The following ZC2HC1B variants were observed in gnomAD, a reference collection of about 807,000 sequenced individuals.
ZC2HC1B encodes zinc finger C2HC-type containing 1B.
A neutral mutation model predicts 31.0 loss-of-function variants in ZC2HC1B; 36 were observed. That is an observed-to-expected ratio of 1.16 (90% CI 0.89 to 1.54). ZC2HC1B has a LOEUF of 1.54. Among genes scored for constraint, ZC2HC1B ranks in the 40% most tolerant of loss-of-function variants. The probability of loss-of-function intolerance (pLI) is 0.00; values close to 1 mark genes in which losing one functional copy is unlikely to be tolerated. For synonymous variants in ZC2HC1B, 73 were observed against 88.0 expected (o/e 0.83, Z 0.95); for missense variants, 260 against 268.6 (o/e 0.97, Z 0.22).
Position 143,899,157 on chromosome 6 carries a change from A to G in ZC2HC1B, c.489+466A>G, listed in dbSNP as rs1777705824. Among the ~76,000 whole-genome samples, 1 of 152,214 alleles carries G rather than the reference A, an allele frequency of 6.6e-6. No homozygotes were observed. The highest frequency in any genetic ancestry group is 1.5e-5 in the Non-Finnish European group (1 of 68,042). On this transcript the variant is annotated intron_variant, in intron 5 of 7. Transcript: ENST00000237275. The surrounding 1 kb of genome is among the most constrained non-coding windows in gnomAD (Gnocchi z 5.0). Reference sequence around the variant, plus strand: ...ATCAGCAAGTTAAAGGGATATGTGGATGAATGGAAGCAGCTGTTAACATTA... The same window carrying G: ...ATCAGCAAGTTAAAGGGATATGTGGGTGAATGGAAGCAGCTGTTAACATTA...
intron 1 of ZC2HC1B, among the ~76,000 whole-genome samples, chr6:143,873,082 C>A (rs1582950197): frequency 1.3e-5 from 2 of 152,144 alleles, no homozygotes; most frequent in Admixed American, 1.3e-4. Context: ...CAAAAGCAAG[C>A]TAGTTACTTC....
chr6:143,898,633 C>A lies in ZC2HC1B; in HGVS notation c.431C>A (p.Ser144Tyr). The change falls in exon 5 of 8, where the codon TCT becomes TAT. Residue 144 changes from serine to tyrosine, a missense_variant. Coordinates refer to ENST00000237275, the MANE Select transcript of ZC2HC1B (RefSeq NM_001013623.3). ...ERHTNFCKDQ[S>Y]SRRVFNPAQT... ...CATACTAATTTCTGCAAGGATCAGTCTTCTCGCCGAGTCTTTAATCCAGCT... is the reference window on the plus strand; with the variant it reads ...CATACTAATTTCTGCAAGGATCAGTATTCTCGCCGAGTCTTTAATCCAGCT... 6.4e-7 allele frequency: 1 copy of A among 1,551,966 alleles called. No homozygotes were observed. The highest frequency in any genetic ancestry group is 8.7e-7 in the Non-Finnish European group (1 of 1,147,040).
rs1777243208 is a variant in ZC2HC1B, at chr6:143,865,267, T to C, written c.28+700T>C. Among the ~76,000 whole-genome samples the C allele has an allele frequency of 6.6e-6, 1 of 152,196 alleles. No homozygotes were observed. The highest frequency in any genetic ancestry group is 1.5e-5 in the Non-Finnish European group (1 of 68,028). On this transcript the variant is annotated intron_variant, in intron 1 of 7. Transcript: ENST00000237275. The surrounding 1 kb of genome is among the most constrained non-coding windows in gnomAD (Gnocchi z 4.4). ...TTGGGAGCCCAAGAGATCAGAGGGT[T>C]TTTGCCTTCAGGAGCCACATGGTCT...
chr6:143,903,045 G>T lies in ZC2HC1B; in HGVS notation c.491G>T (p.Gly164Val). The change falls in exon 6 of 8, where the codon GGT (glycine) becomes GTT (valine). Residue 164 changes from glycine to valine, a missense_variant and splice_region_variant. Physicochemically the swap from Gly to Val is moderately radical, Grantham distance 109. Coordinates refer to ENST00000237275, the MANE Select transcript of ZC2HC1B (RefSeq NM_001013623.3). This position sits in a 1 kb window ranked among gnomAD's most constrained non-coding sequence, Gnocchi z 4.3. ...TAAKLASRAQ[G>V]RAQMGPKKEP... is the part of the protein sequence containing the mutation. Reference sequence around the variant, plus strand: ...GTCTCTTTCTTTCTCTCTCTGTAGGGTAGGGCTCAGATGGGTCCAAAAAAA... The same window carrying T: ...GTCTCTTTCTTTCTCTCTCTGTAGGTTAGGGCTCAGATGGGTCCAAAAAAA... 6.4e-7 allele frequency: 1 copy of T among 1,551,692 alleles called. No individual in the cohort carries two copies. Among genetic ancestry groups the T allele is most frequent in the Non-Finnish European group, 8.7e-7 (1 of 1,146,948 alleles).
chr6:143,910,503 C>G (rs975035215), intron 6 of ZC2HC1B, among the ~76,000 whole-genome samples: 1 of 152,154 alleles, frequency 6.6e-6, no homozygotes, highest in Non-Finnish European at 1.5e-5. Flanking sequence ...GAGCTGAGTT[C>G]AAGTCCCGAA....
chr6:143,867,003 A>G (rs1249719277), intron 1 of ZC2HC1B, among the ~76,000 whole-genome samples: 1 of 152,270 alleles, frequency 6.6e-6, no homozygotes, highest in African/African-American at 2.4e-5. Flanking sequence ...TGAGACAACA[A>G]ATAGAAAATA....
rs565674128 is a variant in ZC2HC1B, at chr6:143,911,044, C to T, written c.598+7892C>T. On this transcript the variant is annotated intron_variant, in intron 6 of 7. Coordinates refer to ENST00000237275, the MANE Select transcript of ZC2HC1B (RefSeq NM_001013623.3). This position sits in a 1 kb window ranked among gnomAD's most constrained non-coding sequence, Gnocchi z 4.5. Reference sequence around the variant, plus strand: ...CTAGGATTACAGGCATGAGCCACTGCGCCCAGCCCTTTGTTGGTTTAAAGC... The same window carrying T: ...CTAGGATTACAGGCATGAGCCACTGTGCCCAGCCCTTTGTTGGTTTAAAGC... Among the ~76,000 whole-genome samples, 11 of 152,162 alleles carry T rather than the reference C, an allele frequency of 7.2e-5. No individual in the cohort carries two copies. The highest frequency in any genetic ancestry group is 1.4e-4 in the African/African-American group (6 of 41,444).
intron 1 of ZC2HC1B, among the ~76,000 whole-genome samples, chr6:143,867,394 G>A (rs896631863): frequency 8.5e-5 from 13 of 152,184 alleles, no homozygotes; most frequent in African/African-American, 3.1e-4. Context: ...CAGTCCCTGG[G>A]TCTGACTTCC....
At chr6:143,879,674 C>T (rs576707405) in intron 1 of ZC2HC1B, among the ~76,000 whole-genome samples, 3 of 152,206 alleles carry the variant, frequency 2.0e-5, no homozygotes, top group African/African-American at 7.2e-5. Context: ...CTCTACAAAG[C>T]ATTCTTAACT....
At position 143,933,486 on chromosome 6, in the gene ZC2HC1B, T is replaced by A. The variant is rs1005393302; in HGVS notation, c.599-4163T>A. Among the ~76,000 whole-genome samples the A allele has an allele frequency of 3.3e-5, 5 of 152,108 alleles. No homozygotes were observed. Among genetic ancestry groups the A allele is most frequent in the African/African-American group, 1.2e-4 (5 of 41,418 alleles). Reference sequence around the variant, plus strand: ...CAGGCAGGATTAGGTAGGTTTGAGCTCAGACTCTCCTTGGGTGGGGGTTGC... The same window carrying A: ...CAGGCAGGATTAGGTAGGTTTGAGCACAGACTCTCCTTGGGTGGGGGTTGC... On this transcript the variant is annotated intron_variant, in intron 6 of 7. Coordinates refer to ENST00000237275, the MANE Select transcript of ZC2HC1B (RefSeq NM_001013623.3). This position sits in a 1 kb window ranked among gnomAD's most constrained non-coding sequence, Gnocchi z 6.4.
In ZC2HC1B at chr6:143,871,135, T is replaced by G. The variant is rs1235872433; in HGVS notation, c.28+6568T>G. ...ACCACTGGACCCCTAGAAATTTTAT[T>G]GTGGAAGAAGTTCCCTAAATTTTCA... On this transcript the variant is annotated intron_variant, in intron 1 of 7. Transcript: ENST00000237275. This position sits in a 1 kb window ranked among gnomAD's most constrained non-coding sequence, Gnocchi z 4.1. 2.0e-5 allele frequency among the ~76,000 whole-genome samples: 3 copies of G among 152,154 alleles called. No individual in the cohort carries two copies. Among genetic ancestry groups the G allele is most frequent in the Non-Finnish European group, 4.4e-5 (3 of 68,016 alleles).
intron 6 of ZC2HC1B, among the ~76,000 whole-genome samples, chr6:143,920,958 T>C (rs1410598038): frequency 6.7e-6 from 1 of 150,360 alleles, no homozygotes; most frequent in Non-Finnish European, 1.5e-5. Context: ...CCATCTGAGC[T>C]CACCTTCTCC....
chr6:143,923,348 A>T lies in ZC2HC1B; in HGVS notation c.599-14301A>T, dbSNP rs1271632902. Among the ~76,000 whole-genome samples the T allele has an allele frequency of 6.6e-6, 1 of 152,146 alleles. No homozygotes were observed. Among genetic ancestry groups the T allele is most frequent in the Non-Finnish European group, 1.5e-5 (1 of 67,998 alleles). The stretch of plus-strand genomic sequence containing the variant: ...TTTGAGTTCCTTGCTTATTCTGAAT[A>T]TTAGTTCCTTGGGAGATGAATGGTT... On this transcript the variant is annotated intron_variant, in intron 6 of 7. Coordinates refer to ENST00000237275, the MANE Select transcript of ZC2HC1B (RefSeq NM_001013623.3). The surrounding 1 kb of genome is among the most constrained non-coding windows in gnomAD (Gnocchi z 4.8).
intron 6 of ZC2HC1B, among the ~76,000 whole-genome samples, chr6:143,935,118 T>G (rs1264108745): frequency 8.0e-6 from 1 of 124,678 alleles, no homozygotes; most frequent in East Asian, 2.4e-4. Context: ...GAGGAGTATG[T>G]GGACGCTGCA....
chr6:143,936,004 T>C (rs1469275701), intron 6 of ZC2HC1B, among the ~76,000 whole-genome samples: 3 of 152,154 alleles, frequency 2.0e-5, no homozygotes, highest in Admixed American at 6.5e-5. Flanking sequence ...CTAGTTGTTG[T>C]CTTTCATCTA....
At chr6:143,901,329 G>A (rs566344274) in intron 5 of ZC2HC1B, among the ~76,000 whole-genome samples, 33 of 126,974 alleles carry the variant, frequency 2.6e-4, no homozygotes, top group African/African-American at 7.7e-4. Flanking sequence ...GTGTGATCTC[G>A]GCTCACTGCA....
chr6:143,877,123 T>G (rs1231876743), intron 1 of ZC2HC1B, among the ~76,000 whole-genome samples: 1 of 150,034 alleles, frequency 6.7e-6, no homozygotes, highest in African/African-American at 2.5e-5. Context: ...TCTTGAAGTA[T>G]TATTTGGAGT....
At chr6:143,880,614 T>G (rs1048261132) in intron 1 of ZC2HC1B, among the ~76,000 whole-genome samples, 1 of 152,166 alleles carries the variant, frequency 6.6e-6, no homozygotes, top group South Asian at 2.1e-4. Flanking sequence ...AGAGGCCAAG[T>G]AGCATAATTT....
chr6:143,910,831 G>A (rs1185986656), intron 6 of ZC2HC1B, among the ~76,000 whole-genome samples: 1 of 152,064 alleles, frequency 6.6e-6, no homozygotes, highest in Non-Finnish European at 1.5e-5. Context: ...TTGGCTCATT[G>A]CAACCTCCAC....
Sources: allele counts gnomAD v4.1 joint callset (sites outside exome capture counted in the v4.1 genomes callset), GRCh38; gene constraint gnomAD v4.1.1; non-coding constraint Gnocchi (gnomAD v3.1); transcripts MANE v1.5; gene names NCBI Gene and HGNC (gene_info 2026-07-23, HGNC 2026-07-21).